Variants in MUC5B observed in about 807,000 individuals in gnomAD.
MUC5B encodes the protein mucin-5B.
A neutral mutation model predicts 376.9 loss-of-function variants in MUC5B; 116 were observed. That is an observed-to-expected ratio of 0.31 (90% confidence interval 0.26 to 0.36). The LOEUF (loss-of-function observed/expected upper bound fraction) is 0.36. Among genes scored for constraint, MUC5B ranks in the 10% least tolerant of loss-of-function variants. MUC5B has a pLI of 1.00. For missense variants in MUC5B, 7,165 were observed against 7,769.9 expected (o/e 0.92, Z 2.93); for synonymous variants, 3,517 against 3,390.9 (o/e 1.04, Z -1.29).
rs572867446 is a variant in MUC5B at position 1,251,617 on chromosome 11, C to T, written c.14737C>T (p.Leu4913=). 6.2e-7 allele frequency: 1 copy of T among 1,613,094 alleles called. No individual in the cohort carries two copies. Among genetic ancestry groups the T allele is most frequent in the South Asian group, 1.1e-5 (1 of 91,082 alleles). The part of the protein sequence containing the change: ...TRTPAVLPSS[L]PTFSVSTVSS... Reference sequence around the variant, plus strand: ...CACCCCTGCAGTGCTCCCCAGCAGCCTGCCAACCTTCAGCGTGTCCACTGT... The same window carrying T: ...CACCCCTGCAGTGCTCCCCAGCAGCTTGCCAACCTTCAGCGTGTCCACTGT... The change falls in exon 31 of 49, where the codon CTG becomes TTG. Residue 4913 remains leucine (L), a synonymous_variant. Transcript: ENST00000529681.
In MUC5B at chr11:1,249,018, G is replaced by A. The variant is rs201356745; in HGVS notation, c.12138G>A (p.Thr4046=). 0.029 allele frequency: 47,260 copies of A among 1,608,630 alleles called. 13 individuals carry two copies. The highest frequency in any genetic ancestry group is 0.032 in the Non-Finnish European group (37,821 of 1,178,778). Residue 4046 remains threonine (T), a synonymous_variant, in exon 31 of 49, where the codon ACG becomes ACA. Transcript: ENST00000529681. ...CCACCCACATCACAGAGCCTTCCAC[G>A]GGGACTTCCCACACCCCAGCAGCAA... is the stretch of plus-strand genomic sequence containing the variant. ...LGTTHITEPS[T]GTSHTPAATT...
rs1399352121 is a variant in MUC5B at position 1,249,997 on chromosome 11, A to G, written c.13117A>G (p.Thr4373Ala). The change falls in exon 31 of 49, where the codon ACA becomes GCA. Residue 4373 changes from threonine (T) to alanine (A), a missense_variant. Transcript: ENST00000529681. ...STVLTTKATT[T>A]RATSSTSTPS... ...AGTGCTGACCACGAAGGCCACCACG[A>G]CAAGGGCCACCAGTTCCACGTCCAC... The G allele has an allele frequency of 6.2e-7, 1 of 1,611,306 alleles. No homozygotes were observed. The highest frequency in any genetic ancestry group is 1.7e-5 in the Admixed American group (1 of 59,842).
chr11:1,232,832 C>A, intron 17 of MUC5B, 62 bp downstream of exon 17: 1 of 1,505,976 alleles, frequency 6.6e-7, no homozygotes. Context: ...GGGACCCTGG[C>A]CGGCAGCAGC....
Position 1,261,626 on chromosome 11 carries a change from C to A in MUC5B, c.*18C>A. On this transcript the variant is annotated 3_prime_UTR_variant, in exon 49 of 49. Transcript: ENST00000529681. ...CTGTCTGAGAACGTTCTGCCTCCAT[C>A]CCCATGCTCTGTCCACCTGGAGCCA... is the stretch of plus-strand genomic sequence containing the variant. 6.3e-7 allele frequency: 1 copy of A among 1,584,868 alleles called. No homozygotes were observed. Among genetic ancestry groups the A allele is most frequent in the East Asian group, 2.3e-5 (1 of 43,648 alleles).
chr11:1,261,351 C>A (rs765823788), intron 48 of MUC5B, 38 bp from the exon 49 acceptor site: 2 of 1,518,076 alleles, frequency 1.3e-6, no homozygotes, highest in Middle Eastern at 1.9e-4. Context: ...AACGGCGGGG[C>A]CAAGGTGGCT....
At position 1,247,484 on chromosome 11, in the gene MUC5B, G is replaced by T; in HGVS notation, c.10604G>T (p.Gly3535Val). The change falls in exon 31 of 49, where the codon GGC becomes GTC. Residue 3535 changes from glycine (G) to valine (V), a missense_variant. Physicochemically the swap from Gly to Val is moderately radical, Grantham distance 109. Transcript: ENST00000529681. ...ACGACCACCCCGGGCCACACCAGGG[G>T]CACCTCCAGGACCACAGCCACAGCC... The part of the protein sequence containing the change: ...PGTTTPGHTR[G>V]TSRTTATATP... 6.2e-7 allele frequency: 1 copy of T among 1,605,224 alleles called. No homozygotes were observed. The highest frequency in any genetic ancestry group is 8.5e-7 in the Non-Finnish European group (1 of 1,176,524).
chr11:1,252,805 C>A lies in MUC5B; in HGVS notation c.15046-4C>A. ...GGTGAGGACGTGCATGTTCCCTGCC[C>A]CAGGTGAATGAGACCTGGACCCTGG... On this transcript the variant is annotated splice_polypyrimidine_tract_variant and splice_region_variant and intron_variant, in intron 32 of 48. Transcript: ENST00000529681. 1 of 1,603,638 alleles carries A rather than the reference C, an allele frequency of 6.2e-7. No homozygotes were observed. Among genetic ancestry groups the A allele is most frequent in the Non-Finnish European group, 8.5e-7 (1 of 1,175,942 alleles).
rs376018459 is a variant in MUC5B, at chr11:1,249,937, C to T, written c.13057C>T (p.Pro4353Ser). 8 of 1,613,144 alleles carry T rather than the reference C, an allele frequency of 5.0e-6. No individual in the cohort carries two copies. The highest frequency in any genetic ancestry group is 6.8e-6 in the Non-Finnish European group (8 of 1,179,660). ...TPVATMSTIH[P>S]SSTPETTHTS... ...CGTGGCCACCATGTCCACAATCCAC[C>T]CCTCCTCCACTCCGGAGACCACCCA... The change falls in exon 31 of 49, where the codon CCC (proline) becomes TCC (serine). Residue 4353 changes from proline to serine, a missense_variant. Around this residue, in one of 31 missense-constraint regions of MUC5B, gnomAD observed 431 missense variants for 390.4 expected, o/e 1.10. Transcript: ENST00000529681.
At chr11:1,233,904 G>C in intron 19 of MUC5B, 56 bp downstream of exon 19, 1 of 1,521,892 alleles carries the variant, frequency 6.6e-7, no homozygotes, top group Non-Finnish European at 8.9e-7. Flanking sequence ...ACCCCGCCTG[G>C]CCTGGCCCCA....
In MUC5B at chr11:1,242,433, G is replaced by A; in HGVS notation, c.5553G>A (p.Leu1851=). Residue 1851 remains leucine (L), a synonymous_variant, in exon 31 of 49, where the codon CTG becomes CTA. Transcript: ENST00000529681. ...TCGGGCAGGTGCTGACCTGCAGCCT[G>A]GAGACGGGGCTGACCTGCAAGAACG... is the stretch of plus-strand genomic sequence containing the variant. ...DQVGQVLTCS[L]ETGLTCKNED... 1 of 1,613,844 alleles carries A rather than the reference G, an allele frequency of 6.2e-7. No individual in the cohort carries two copies. Among genetic ancestry groups the A allele is most frequent in the Non-Finnish European group, 8.5e-7 (1 of 1,179,834 alleles).
intron 8 of MUC5B, 25 bp from the exon 9 acceptor site, chr11:1,229,145 C>T: frequency 6.4e-7 from 1 of 1,557,658 alleles, no homozygotes; most frequent in African/African-American, 1.4e-5. Flanking sequence ...CTTCCCCTGG[C>T]CCAGCCCCAC....
At chr11:1,228,525 A>G (rs764342459) in intron 7 of MUC5B, 39 bp from the exon 8 acceptor site, 2 of 1,475,408 alleles carry the variant, frequency 1.4e-6, no homozygotes, top group African/African-American at 1.4e-5. Context: ...GCCCCCATGG[A>G]TGGCAGGGGT....
At position 1,250,688 on chromosome 11, in the gene MUC5B, C is replaced by G. The variant is rs571669661; in HGVS notation, c.13808C>G (p.Ala4603Gly). 2 of 1,612,906 alleles carry G rather than the reference C, an allele frequency of 1.2e-6. No homozygotes were observed. The highest frequency in any genetic ancestry group is 1.7e-6 in the Non-Finnish European group (2 of 1,179,542). ...ACTACCACAACCACGGGCTTCACAGCCACCCCCTCCTCCAGCCCAGGGACG... is the reference window on the plus strand; with the variant it reads ...ACTACCACAACCACGGGCTTCACAGGCACCCCCTCCTCCAGCCCAGGGACG... The part of the protein sequence containing the change: ...VPTTTTTGFT[A>G]TPSSSPGTAL... The change falls in exon 31 of 49, where the codon GCC becomes GGC. Residue 4603 changes from alanine (A) to glycine (G), a missense_variant. This residue lies in a region of MUC5B where 730 missense variants were observed against 592.7 expected (regional missense o/e 1.23). Transcript: ENST00000529681.
At position 1,249,753 on chromosome 11, in the gene MUC5B, C is replaced by A. The variant is rs1264521600; in HGVS notation, c.12873C>A (p.Ala4291=). 1.2e-6 allele frequency: 2 copies of A among 1,612,856 alleles called. No individual in the cohort carries two copies. Among genetic ancestry groups the A allele is most frequent in the Admixed American group, 3.3e-5 (2 of 59,988 alleles). ...CCAGCCCGGCCACCACACCCACAGC[C>A]ACCAGTTCCAAAGCCACTTCCTCCT... ...VLTSPATTPT[A]TSSKATSSSS... is the part of the protein sequence containing the mutation. The change falls in exon 31 of 49, where the codon GCC becomes GCA. Residue 4291 remains alanine, a synonymous_variant. Transcript: ENST00000529681.
At position 1,240,107 on chromosome 11, in the gene MUC5B, G is replaced by T. The variant is rs988284096; in HGVS notation, c.3772+19G>T. On this transcript the variant is annotated intron_variant, in intron 29 of 48. Coordinates refer to ENST00000529681, the MANE Select transcript of MUC5B (RefSeq NM_002458.3). ...CTTGAGGGTAAGGAAGGGCCGGGGG[G>T]TTAGTGGGCCGGTGAAGGCTGGGGC... 40 of 1,562,768 alleles carry T rather than the reference G, an allele frequency of 2.6e-5. No homozygotes were observed. The highest frequency in any genetic ancestry group is 6.0e-5 in the South Asian group (5 of 82,912).
chr11:1,250,841 C>G lies in MUC5B; in HGVS notation c.13961C>G (p.Thr4654Ser). The change falls in exon 31 of 49, where the codon ACC becomes AGC. Residue 4654 changes from threonine to serine, a missense_variant. By Grantham distance (58) the Thr-to-Ser change is moderately conservative. Around this residue, in one of 31 missense-constraint regions of MUC5B, gnomAD observed 730 missense variants for 592.7 expected, o/e 1.23. Transcript: ENST00000529681. ...GTTHTARVLT[T>S]TTTTVATGSM... ...ACCCACACCGCCAGAGTGCTGACCA[C>G]CACCACCACAACTGTGGCCACTGGT... 6.2e-7 allele frequency: 1 copy of G among 1,611,542 alleles called. No homozygotes were observed.
Position 1,235,319 on chromosome 11 carries a change from A to C in MUC5B, c.2786A>C (p.Asn929Thr), listed in dbSNP as rs140885000. 2,917 of 1,612,836 alleles carry C rather than the reference A, an allele frequency of 1.8e-3. 35 individuals are homozygous for C. The South Asian group carries it at 0.019, about 11-fold the overall frequency. Residue 929 changes from asparagine to threonine, a missense_variant, in exon 23 of 49, where the codon AAC (asparagine) becomes ACC (threonine). Coordinates refer to ENST00000529681, the MANE Select transcript of MUC5B (RefSeq NM_002458.3). ...YILAQDYCGD[N>T]TTHGTFRIVT... is the part of the protein sequence containing the mutation. ...CTGGCCCAGGACTACTGTGGGGACA[A>C]CACCACCCACGGGACCTTCCGCATC...
In MUC5B at chr11:1,232,386, C is replaced by T; in HGVS notation, c.1844-64C>T. 1.1e-5 allele frequency: 17 copies of T among 1,511,160 alleles called. No individual in the cohort carries two copies. The South Asian group carries it at 1.9e-4, about 17-fold the overall frequency. 93.6% of individuals were successfully genotyped at this position (1,511,160 alleles called of 1,614,324 possible). A position where few individuals can be genotyped will look rare whatever the true frequency, so the allele number is the denominator to read the frequency against. On this transcript the variant is annotated intron_variant, in intron 15 of 48. Transcript: ENST00000529681. ...TTCCCCGGGCTGAGGGGGTCGCAGG[C>T]CTGCGTGTCAGGGGTGTGGGCTTCG...
chr11:1,245,994 A>T lies in MUC5B; in HGVS notation c.9114A>T (p.Lys3038Asn). Residue 3038 changes from lysine to asparagine, a missense_variant, in exon 31 of 49, where the codon AAA (lysine) becomes AAT (asparagine). By Grantham distance (94) the Lys-to-Asn change is moderately conservative. Transcript: ENST00000529681. ...CCACACCCACAGCCACCAGTTCCAA[A>T]GCCACTTCCTCCTCCAGTCCAAGGA... is the stretch of plus-strand genomic sequence containing the variant. ...TATTPTATSS[K>N]ATSSSSPRTA... 1 of 1,612,620 alleles carries T rather than the reference A, an allele frequency of 6.2e-7. No homozygotes were observed. Among genetic ancestry groups the T allele is most frequent in the Non-Finnish European group, 8.5e-7 (1 of 1,179,516 alleles).
Sources: allele counts gnomAD v4.1 joint callset, GRCh38; gene constraint gnomAD v4.1.1; regional missense constraint gnomAD v4.1.1; transcripts MANE v1.5; gene names NCBI Gene and HGNC (gene_info 2026-07-23, HGNC 2026-07-21).